Variants in CA5A observed in about 807,000 individuals in gnomAD.
CA5A encodes carbonic anhydrase 5A, also known as carbonic anhydrase 5A, mitochondrial.
CA5A carries 28 observed loss-of-function variants against 37.1 expected under a neutral mutation model. The observed-to-expected ratio is 0.75, with a 90% confidence interval of 0.56 to 1.03. The LOEUF (loss-of-function observed/expected upper bound fraction) is 1.03. Among genes scored for constraint, CA5A ranks in the 50% least tolerant of loss-of-function variants. CA5A has a pLI of 0.00. For synonymous variants in CA5A, 171 were observed against 158.4 expected, an observed-to-expected ratio of 1.08 and a Z score of -0.60; for missense variants, 444 against 399.9, an observed-to-expected ratio of 1.11 and a Z score of -0.94.
intron 2 of CA5A, among the ~76,000 whole-genome samples, chr16:87,914,843 C>T (rs2056110254): frequency 6.6e-6 from 1 of 152,204 alleles, no homozygotes; most frequent in South Asian, 2.1e-4. Context: ...TTCTCATTCC[C>T]CTCGTCAGGG....
chr16:87,915,752 C>A (rs1319858364), intron 2 of CA5A, among the ~76,000 whole-genome samples: 2 of 139,208 alleles, frequency 1.4e-5, no homozygotes, highest in Non-Finnish European at 3.1e-5. Flanking sequence ...ACCCAGTAAA[C>A]ATAGTTACTG....
At position 87,901,987 on chromosome 16, in the gene CA5A, C is replaced by A. The variant is rs372389355; in HGVS notation, c.556-13G>T. 41 of 1,612,900 alleles carry A rather than the reference C, an allele frequency of 2.5e-5. No individual in the cohort carries two copies. Among genetic ancestry groups the A allele is most frequent in the Non-Finnish European group, 3.5e-5 (41 of 1,179,118 alleles). ...GATGGGCCCCGAGCTGCATGGCAGA[C>A]AAAGGAGGGGTTAGCTGCAAAGGCA... On this transcript the variant is annotated splice_polypyrimidine_tract_variant and intron_variant, in intron 4 of 6. Coordinates refer to ENST00000649794, the MANE Select transcript of CA5A (RefSeq NM_001739.2).
chr16:87,917,711 ACATGAACACGTGCACACACACATG>A (rs1190044274), intron 2 of CA5A, among the ~76,000 whole-genome samples: 3 of 62,714 alleles, frequency 4.8e-5, no homozygotes, highest in Admixed American at 1.4e-4. Flanking sequence ...ACGAACACAC[ACATGAACACGTGCACACACACATG>A]AACACACATG....
At chr16:87,914,679 C>T (rs983358727) in intron 2 of CA5A, among the ~76,000 whole-genome samples, 5 of 152,020 alleles carry the variant, frequency 3.3e-5, no homozygotes, top group Admixed American at 6.6e-5. Flanking sequence ...CACGAGGGAA[C>T]CACGGAGAGC....
At chr16:87,900,990 C>G (rs1259462592) in intron 5 of CA5A, among the ~76,000 whole-genome samples, 2 of 152,238 alleles carry the variant, frequency 1.3e-5, no homozygotes, top group Non-Finnish European at 2.9e-5. Context: ...CCTTGGGACG[C>G]CAAGGCGGGC....
chr16:87,927,439 T>C (rs1293821418), intron 1 of CA5A, among the ~76,000 whole-genome samples: 1 of 152,194 alleles, frequency 6.6e-6, no homozygotes, highest in Admixed American at 6.5e-5. Flanking sequence ...CTCCAAGCCC[T>C]CTGGCAAGGA....
At chr16:87,920,372 G>A (rs1188313174) in intron 2 of CA5A, among the ~76,000 whole-genome samples, 1 of 152,210 alleles carries the variant, frequency 6.6e-6, no homozygotes, top group Non-Finnish European at 1.5e-5. Context: ...GAGGGCAGTG[G>A]TGCAATCTCA....
chr16:87,929,066 G>A (rs1005990748), intron 1 of CA5A, among the ~76,000 whole-genome samples: 1 of 147,668 alleles, frequency 6.8e-6, no homozygotes, highest in Non-Finnish European at 1.5e-5. Flanking sequence ...ACCGCGCCCA[G>A]CCTTGGATTA....
chr16:87,887,008 T>G (rs2055653766), downstream of CA5A: 1 of 152,224 alleles, frequency 6.6e-6, no homozygotes, highest in South Asian at 2.1e-4. Flanking sequence ...GTTCAAGCGA[T>G]TCTCCTGCCT....
chr16:87,897,128 C>A (rs544509302), intron 5 of CA5A, among the ~76,000 whole-genome samples: 1 of 152,360 alleles, frequency 6.6e-6, no homozygotes, highest in South Asian at 2.1e-4. Flanking sequence ...TAGGTGCTGC[C>A]GCTGCTGCTG....
In CA5A at chr16:87,915,802, T is replaced by C. The variant is rs112971147; in HGVS notation, c.341-10898A>G. On this transcript the variant is annotated intron_variant, in intron 2 of 6. Coordinates refer to ENST00000649794, the MANE Select transcript of CA5A (RefSeq NM_001739.2). Reference sequence around the variant, plus strand: ...AGTGTAACTTTCTGGCCCCTTCCCATAACCACATGTATTTGGTAAGCTTTT... The same window carrying C: ...AGTGTAACTTTCTGGCCCCTTCCCACAACCACATGTATTTGGTAAGCTTTT... Among the ~76,000 whole-genome samples, 5 of 150,634 alleles carry C rather than the reference T, an allele frequency of 3.3e-5. 1 individual carries two copies. The highest frequency in any genetic ancestry group is 1.2e-4 in the African/African-American group (5 of 41,168).
intron 2 of CA5A, among the ~76,000 whole-genome samples, chr16:87,912,404 C>A (rs1390815644): frequency 6.6e-6 from 1 of 152,226 alleles, no homozygotes. Context: ...GCAGATACCA[C>A]GATTCTCAAG....
At chr16:87,902,625 G>T (rs2055894898) in intron 3 of CA5A, 105 bp from the exon 4 acceptor site, 2 of 708,568 alleles carry the variant, frequency 2.8e-6, no homozygotes, top group Admixed American at 4.1e-5. Context: ...ATAATGAAAT[G>T]GCCAGGCGCG....
chr16:87,929,819 C>A (rs2144088677), intron 1 of CA5A, among the ~76,000 whole-genome samples: 1 of 127,620 alleles, frequency 7.8e-6, no homozygotes, highest in African/African-American at 3.1e-5. Context: ...TTGCAGTGAG[C>A]CGAGATCGCG....
At chr16:87,923,219 C>T (rs1406986141) in intron 2 of CA5A, among the ~76,000 whole-genome samples, 1 of 152,172 alleles carries the variant, frequency 6.6e-6, no homozygotes, top group Non-Finnish European at 1.5e-5. Context: ...GATGGAGTCT[C>T]GCTCTGTCAC....
intron 2 of CA5A, among the ~76,000 whole-genome samples, chr16:87,920,569 C>A (rs1228940871): frequency 6.6e-6 from 1 of 152,068 alleles, no homozygotes; most frequent in East Asian, 1.9e-4. Context: ...CTCTGCCTCC[C>A]AAAGCACTGG....
intron 5 of CA5A, among the ~76,000 whole-genome samples, chr16:87,896,501 A>G (rs2055804888): frequency 6.6e-6 from 1 of 152,234 alleles, no homozygotes; most frequent in African/African-American, 2.4e-5. Flanking sequence ...GGCAGCTAGA[A>G]TGGGACACCG....
At position 87,925,167 on chromosome 16, in the gene CA5A, T is replaced by C. The variant is rs115631427; in HGVS notation, c.340+1581A>G. On this transcript the variant is annotated intron_variant, in intron 2 of 6. Transcript: ENST00000649794. The stretch of plus-strand genomic sequence containing the variant: ...CAGATGGGATGCCTGCCGGAGAGGA[T>C]GTGGAGCTGTGGCTGCGGCTGCTTT... 9.7e-4 allele frequency among the ~76,000 whole-genome samples: 147 copies of C among 152,278 alleles called. 1 individual carries two copies. Among genetic ancestry groups the C allele is most frequent in the African/African-American group, 3.3e-3 (138 of 41,560 alleles).
At chr16:87,929,589 C>G (rs1247345027) in intron 1 of CA5A, among the ~76,000 whole-genome samples, 3 of 151,904 alleles carry the variant, frequency 2.0e-5, no homozygotes, top group African/African-American at 7.3e-5. Flanking sequence ...AGTAAACCAT[C>G]AGGCCAGGTG....
Sources: gnomAD v4.1 joint callset for allele counts (sites outside exome capture counted in the v4.1 genomes callset) on GRCh38, gnomAD v4.1.1 for gene constraint, MANE v1.5 for transcripts, NCBI Gene and HGNC (gene_info 2026-07-23, HGNC 2026-07-21) for gene names.